The following S1PR5 variants were observed in gnomAD, a reference collection of about 807,000 sequenced individuals.
S1PR5 encodes sphingosine 1-phosphate receptor 5.
For synonymous variants in S1PR5, 307 were observed against 284.7 expected (o/e 1.08, Z -0.79); for missense variants, 583 against 571.7 (o/e 1.02, Z -0.20).
chr19:10,513,652 C>A lies in S1PR5; in HGVS notation c.*163G>T. The A allele has an allele frequency of 2.1e-6, 2 of 964,942 alleles. No individual in the cohort carries two copies. Among genetic ancestry groups the A allele is most frequent in the Non-Finnish European group, 3.0e-6 (2 of 666,366 alleles). 59.8% of individuals were successfully genotyped at this position (964,942 alleles called of 1,614,324 possible). ...AAGCAGAACGTCAATTCCACGAGGGCACAGATTTTTTGTCTGTTTGTTCAC... is the reference window on the plus strand; with the variant it reads ...AAGCAGAACGTCAATTCCACGAGGGAACAGATTTTTTGTCTGTTTGTTCAC... On this transcript the variant is annotated 3_prime_UTR_variant, in exon 2 of 2. Transcript: ENST00000333430.
chr19:10,513,511 A>G lies in S1PR5; in HGVS notation c.*304T>C. ...CTTCCCAGGACAGAGGTCTCAGCTC[A>G]CATCACAAGTCACTACCTCTGCAGA... On this transcript the variant is annotated 3_prime_UTR_variant, in exon 2 of 2. Coordinates refer to ENST00000333430, the MANE Select transcript of S1PR5 (RefSeq NM_030760.5). 1 of 553,734 alleles carries G rather than the reference A, an allele frequency of 1.8e-6. No individual in the cohort carries two copies. The highest frequency in any genetic ancestry group is 3.2e-5 in the East Asian group (1 of 31,236). The allele number at this position is 553,734 out of a possible 1,614,324, so 34.3% of individuals were successfully genotyped here.
chr19:10,514,448 G>C lies in S1PR5; in HGVS notation c.564C>G (p.Leu188=), dbSNP rs1481932126. ...RLDACSTVLP[L]YAKAYVLFCV... ...AGAAGAGCACGTAGGCCTTGGCGTA[G>C]AGCGGCAAGACAGTGGAGCAAGCGT... The change falls in exon 2 of 2, where the codon CTC becomes CTG. Residue 188 remains leucine, a synonymous_variant. Coordinates refer to ENST00000333430, the MANE Select transcript of S1PR5 (RefSeq NM_030760.5). 36 of 1,609,646 alleles carry C rather than the reference G, an allele frequency of 2.2e-5. No homozygotes were observed. The highest frequency in any genetic ancestry group is 3.4e-5 in the Admixed American group (2 of 59,494).
In S1PR5 at chr19:10,514,589, C is replaced by T. The variant is rs35940589; in HGVS notation, c.423G>A (p.Gly141=). The change falls in exon 2 of 2, where the codon GGG becomes GGA. Residue 141 remains glycine (G), a synonymous_variant. Coordinates refer to ENST00000333430, the MANE Select transcript of S1PR5 (RefSeq NM_030760.5). ...LERSLTMARR[G]PAPVSSRGRT... The stretch of plus-strand genomic sequence containing the variant: ...GCCCCCGACTGGAGACGGGCGCGGG[C>T]CCCCTGCGCGCCATGGTGAGGCTGC... 10,898 of 1,576,570 alleles carry T rather than the reference C, an allele frequency of 6.9e-3. 48 individuals are homozygous for T. Among genetic ancestry groups the T allele is most frequent in the Non-Finnish European group, 7.9e-3 (9,202 of 1,163,446 alleles).
At chr19:10,516,590 A>G (rs980045521) in intron 1 of S1PR5, among the ~76,000 whole-genome samples, 4 of 141,566 alleles carry the variant, frequency 2.8e-5, no homozygotes, top group Non-Finnish European at 6.1e-5. Context: ...CTGGGTGACA[A>G]GAGAGAAACT....
In S1PR5 at chr19:10,513,869, G is replaced by T. The variant is rs377047468; in HGVS notation, c.1143C>A (p.Ser381Arg). ...TCCGGGCGGCTGTGGGTGCACCGGG[G>T]CTGCCTGTGGAGCCGCTGGTGTCCA... ...DGLDTSGSTGSPGAPTAARTL... is the reference protein window; with the variant it reads ...DGLDTSGSTGRPGAPTAARTL... Residue 381 changes from serine to arginine, a missense_variant, in exon 2 of 2, where the codon AGC (serine) becomes AGA (arginine). Ser to Arg is a moderately radical substitution (Grantham distance 110). Coordinates refer to ENST00000333430, the MANE Select transcript of S1PR5 (RefSeq NM_030760.5). 1.2e-6 allele frequency: 2 copies of T among 1,611,664 alleles called. No homozygotes were observed. Among genetic ancestry groups the T allele is most frequent in the Non-Finnish European group, 1.7e-6 (2 of 1,179,696 alleles).
Position 10,514,643 on chromosome 19 carries a change from C to G in S1PR5, c.369G>C (p.Val123=), listed in dbSNP as rs1212162581. The change falls in exon 2 of 2, where the codon GTG becomes GTC. Residue 123 remains valine, a synonymous_variant. Transcript: ENST00000333430. Reference sequence around the variant, plus strand: ...CCAGCGCGATGGCCAGGAGGCTCAGCACGGACGCAGTGAGTGCCACGAAGA... The same window carrying G: ...CCAGCGCGATGGCCAGGAGGCTCAGGACGGACGCAGTGAGTGCCACGAAGA... ...GGVFVALTAS[V]LSLLAIALER... is the part of the protein sequence containing the mutation. The G allele has an allele frequency of 6.2e-7, 1 of 1,601,512 alleles. No homozygotes were observed. Among genetic ancestry groups the G allele is most frequent in the South Asian group, 1.1e-5 (1 of 89,958 alleles).
Position 10,513,946 on chromosome 19 carries a change from G to C in S1PR5, c.1066C>G (p.Leu356Val). 1.2e-6 allele frequency: 2 copies of C among 1,601,860 alleles called. No homozygotes were observed. The highest frequency in any genetic ancestry group is 1.7e-6 in the Non-Finnish European group (2 of 1,175,244). Reference protein sequence around the residue: ...GGLRRCLPPGLDGSFSGSERS... With the variant: ...GGLRRCLPPGVDGSFSGSERS... ...TCCGAGCCGCTGAAGCTCCCATCAA[G>C]GCCCGGGGGCAGGCAGCGGCGCAGG... is the stretch of plus-strand genomic sequence containing the variant. The change falls in exon 2 of 2, where the codon CTT (leucine) becomes GTT (valine). Residue 356 changes from leucine (L) to valine (V), a missense_variant. Leu to Val is a conservative substitution (Grantham distance 32). Coordinates refer to ENST00000333430, the MANE Select transcript of S1PR5 (RefSeq NM_030760.5).
chr19:10,517,257 C>A, intron 1 of S1PR5, 141 bp downstream of exon 1: 1 of 565,482 alleles, frequency 1.8e-6, no homozygotes, highest in African/African-American at 2.0e-5. Context: ...TTCCCCCTCC[C>A]CAGAGGCCTC....
At chr19:10,515,164 G>C in intron 1 of S1PR5, 135 bp from the exon 2 acceptor site, 1 of 1,156,928 alleles carries the variant, frequency 8.6e-7, no homozygotes, top group South Asian at 1.6e-5. Context: ...GGGAGTTCAG[G>C]ATGGAGGGAT....
intron 1 of S1PR5, among the ~76,000 whole-genome samples, chr19:10,515,652 G>A (rs1306793128): frequency 6.6e-6 from 1 of 152,036 alleles, no homozygotes. Context: ...ACACGGCTGG[G>A]TGTGGTGGCT....
intron 1 of S1PR5, among the ~76,000 whole-genome samples, chr19:10,516,158 T>C (rs1391109525): frequency 2.0e-5 from 3 of 152,072 alleles, no homozygotes; most frequent in African/African-American, 7.2e-5. Flanking sequence ...GTCACACGAA[T>C]ACAGGGTCTC....
chr19:10,517,688 C>T, upstream of S1PR5: 2 of 985,576 alleles, frequency 2.0e-6, no homozygotes, highest in Non-Finnish European at 2.4e-6. Context: ...CGCTCCATCG[C>T]GGTGGGAGGA....
At chr19:10,515,244 A>G (rs1046094904) in intron 1 of S1PR5, among the ~76,000 whole-genome samples, 1 of 152,160 alleles carries the variant, frequency 6.6e-6, no homozygotes, top group Non-Finnish European at 1.5e-5. Flanking sequence ...TCCCAAAAAA[A>G]GGGACATTAA....
rs141233003 is a variant in S1PR5, at chr19:10,516,403, C to T, written c.-19+995G>A. On this transcript the variant is annotated intron_variant, in intron 1 of 1. Coordinates refer to ENST00000333430, the MANE Select transcript of S1PR5 (RefSeq NM_030760.5). ...GGAGTATCACTTGAGCCCAGGAGTTCGACACCAGCTTGGGCAACATACTAA... is the reference window on the plus strand; with the variant it reads ...GGAGTATCACTTGAGCCCAGGAGTTTGACACCAGCTTGGGCAACATACTAA... Among the ~76,000 whole-genome samples the T allele has an allele frequency of 2.9e-3, 438 of 152,068 alleles. 1 individual carries two copies. Among genetic ancestry groups the T allele is most frequent in the African/African-American group, 9.9e-3 (410 of 41,482 alleles).
chr19:10,517,238 G>A (rs372186661), intron 1 of S1PR5, 160 bp downstream of exon 1: 4 of 351,016 alleles, frequency 1.1e-5, no homozygotes, highest in South Asian at 2.3e-4. Flanking sequence ...CAGCTGGGGA[G>A]CCCCCAGCTT....
rs942884799 is a variant in S1PR5, at chr19:10,514,329, G to A, written c.683C>T (p.Ala228Val). Residue 228 changes from alanine (A) to valine (V), a missense_variant, in exon 2 of 2, where the codon GCA becomes GTA. Coordinates refer to ENST00000333430, the MANE Select transcript of S1PR5 (RefSeq NM_030760.5). ...QVRANARRLP[A>V]RPGTAGTTST... The stretch of plus-strand genomic sequence containing the variant: ...GGTGGTCCCCGCAGTCCCGGGCCGT[G>A]CCGGCAGGCGCCGCGCGTTGGCGCG... The A allele has an allele frequency of 5.8e-6, 9 of 1,562,454 alleles. No individual in the cohort carries two copies. In the African/African-American group the frequency reaches 1.2e-4, roughly 21 times the overall value.
At position 10,513,612 on chromosome 19, in the gene S1PR5, C is replaced by A. The variant is rs1915338299; in HGVS notation, c.*203G>T. On this transcript the variant is annotated 3_prime_UTR_variant, in exon 2 of 2. Coordinates refer to ENST00000333430, the MANE Select transcript of S1PR5 (RefSeq NM_030760.5). Reference sequence around the variant, plus strand: ...ATCTCCATTATTTCATCACCGAGTTCTTTTCTGTGTTCCCAAGCAGAACGT... The same window carrying A: ...ATCTCCATTATTTCATCACCGAGTTATTTTCTGTGTTCCCAAGCAGAACGT... 1.5e-6 allele frequency: 1 copy of A among 674,668 alleles called. No homozygotes were observed. Among genetic ancestry groups the A allele is most frequent in the East Asian group, 2.9e-5 (1 of 34,300 alleles). 41.8% of individuals were successfully genotyped at this position (674,668 alleles called of 1,614,324 possible). A position where few individuals can be genotyped will look rare whatever the true frequency, so the allele number is the denominator to read the frequency against.
At position 10,514,338 on chromosome 19, in the gene S1PR5, C is replaced by G. The variant is rs201726285; in HGVS notation, c.674G>C (p.Arg225Pro). 4 of 1,562,526 alleles carry G rather than the reference C, an allele frequency of 2.6e-6. No homozygotes were observed. The highest frequency in any genetic ancestry group is 3.9e-5 in the Admixed American group (2 of 51,428). Reference sequence around the variant, plus strand: ...CGCAGTCCCGGGCCGTGCCGGCAGGCGCCGCGCGTTGGCGCGTACCTGGCA... The same window carrying G: ...CGCAGTCCCGGGCCGTGCCGGCAGGGGCCGCGCGTTGGCGCGTACCTGGCA... ...IYCQVRANAR[R>P]LPARPGTAGT... The change falls in exon 2 of 2, where the codon CGC becomes CCC. Residue 225 changes from arginine to proline, a missense_variant. Arg to Pro is a moderately radical substitution (Grantham distance 103, BLOSUM62 -2). Transcript: ENST00000333430.
Position 10,514,926 on chromosome 19 carries a change from C to A in S1PR5, c.86G>T (p.Arg29Leu). ...YNYTGKLRGA[R>L]YQPGAGLRAD... ...GCGCAGGCCGGCACCCGGCTGGTAGCGCGCACCGCGGAGCTTGCCGGTGTA... is the reference window on the plus strand; with the variant it reads ...GCGCAGGCCGGCACCCGGCTGGTAGAGCGCACCGCGGAGCTTGCCGGTGTA... The change falls in exon 2 of 2, where the codon CGC becomes CTC. Residue 29 changes from arginine to leucine, a missense_variant. By Grantham distance (102) the Arg-to-Leu change is moderately radical. Coordinates refer to ENST00000333430, the MANE Select transcript of S1PR5 (RefSeq NM_030760.5). 1 of 1,609,334 alleles carries A rather than the reference C, an allele frequency of 6.2e-7. No homozygotes were observed. Among genetic ancestry groups the A allele is most frequent in the Non-Finnish European group, 8.5e-7 (1 of 1,178,696 alleles).
Sources: allele counts gnomAD v4.1 joint callset (sites outside exome capture counted in the v4.1 genomes callset), GRCh38; gene constraint gnomAD v4.1.1; transcripts MANE v1.5; gene names NCBI Gene and HGNC (gene_info 2026-07-23, HGNC 2026-07-21).